UBE4B: variants seen among roughly 807,000 people sequenced by gnomAD.
UBE4B encodes ubiquitin conjugation factor E4 B.
A neutral mutation model predicts 148.1 loss-of-function variants in UBE4B; 27 were observed. The observed-to-expected ratio is 0.18, with a 90% CI of 0.13 to 0.25. The LOEUF is 0.25. Among genes scored for constraint, UBE4B ranks in the 10% least tolerant of loss-of-function variants. The pLI is 1.00. For synonymous variants in UBE4B, 596 were observed against 619.3 expected, an observed-to-expected ratio of 0.96 and a Z score of 0.56; for missense variants, 1,170 against 1,662.4, an observed-to-expected ratio of 0.70 and a Z score of 5.15.
Position 10,178,777 on chromosome 1 carries a change from G to T in UBE4B, c.3659G>T (p.Arg1220Leu). Residue 1220 changes from arginine to leucine, a missense_variant, in exon 26 of 28, where the codon CGC becomes CTC. Coordinates refer to ENST00000343090, the MANE Select transcript of UBE4B (RefSeq NM_001105562.3). ...KVEEIVAKNA[R>L]AEIDYSDAPD... ...GAGGAGATAGTGGCCAAGAACGCACGCGCAGAAATCGACTACAGCGACGCT... is the reference window on the plus strand; with the variant it reads ...GAGGAGATAGTGGCCAAGAACGCACTCGCAGAAATCGACTACAGCGACGCT... 8 of 1,613,218 alleles carry T rather than the reference G, an allele frequency of 5.0e-6. No individual in the cohort carries two copies. The highest frequency in any genetic ancestry group is 6.8e-6 in the Non-Finnish European group (8 of 1,179,794).
chr1:10,175,453 C>T (rs549877769), intron 25 of UBE4B, among the ~76,000 whole-genome samples: 32 of 151,514 alleles, frequency 2.1e-4, no homozygotes, highest in East Asian at 1.6e-3. Flanking sequence ...AGATCGAGAC[C>T]GTCCTGGCTA....
At chr1:10,152,259 A>AAATAATAATAATAATAAT (rs60838123) in intron 21 of UBE4B, among the ~76,000 whole-genome samples, 4 of 141,320 alleles carry the variant, frequency 2.8e-5, no homozygotes, top group African/African-American at 7.8e-5. Flanking sequence ...ACTCCGTCTC[A>AAATAATAATAATAATAAT]AATAATAATA....
intron 2 of UBE4B, among the ~76,000 whole-genome samples, chr1:10,076,741 C>CTTTT (rs61563451): frequency 4.2e-4 from 44 of 105,850 alleles, no homozygotes; most frequent in Non-Finnish European, 5.8e-4. Context: ...CAGTCCCAGC[C>CTTTT]TTTTTTTTTT....
chr1:10,094,404 C>T (rs1019670642), intron 2 of UBE4B, among the ~76,000 whole-genome samples: 1 of 151,532 alleles, frequency 6.6e-6, no homozygotes, highest in South Asian at 2.1e-4. Flanking sequence ...AGGGAACACC[C>T]GTATACTCAC....
intron 3 of UBE4B, among the ~76,000 whole-genome samples, chr1:10,097,990 C>T (rs894744374): frequency 6.6e-6 from 1 of 151,908 alleles, no homozygotes; most frequent in African/African-American, 2.4e-5. Context: ...CCTGCCTCAG[C>T]CTCCCGAGTA....
At chr1:10,065,485 T>C (rs1215994714) in intron 1 of UBE4B, among the ~76,000 whole-genome samples, 1 of 152,194 alleles carries the variant, frequency 6.6e-6, no homozygotes, top group African/African-American at 2.4e-5. Context: ...AGGTTCTATT[T>C]CCCCACGCTG....
chr1:10,130,855 G>A lies in UBE4B; in HGVS notation c.1911+42G>A, dbSNP rs142566274. On this transcript the variant is annotated intron_variant, in intron 14 of 27. Coordinates refer to ENST00000343090, the MANE Select transcript of UBE4B (RefSeq NM_001105562.3). ...CAAATCCAGAGGAAGTATCAAAGAT[G>A]AGCTCCAGATACAGAGCTTTTATTT... 2.9e-5 allele frequency: 45 copies of A among 1,558,654 alleles called. No individual in the cohort carries two copies. In the Middle Eastern group the frequency reaches 6.7e-4, roughly 23 times the overall value.
intron 1 of UBE4B, among the ~76,000 whole-genome samples, chr1:10,053,867 T>A (rs933460680): frequency 9.2e-5 from 14 of 152,150 alleles, no homozygotes. Flanking sequence ...TCTTTTATTA[T>A]TTGTAGACAA....
At chr1:10,113,228 A>T (rs1645250200) in intron 7 of UBE4B, among the ~76,000 whole-genome samples, 1 of 151,890 alleles carries the variant, frequency 6.6e-6, no homozygotes, top group Non-Finnish European at 1.5e-5. Flanking sequence ...GATGTCCCAG[A>T]CTCTTTTAAA....
At chr1:10,152,300 C>A (rs1645990152) in intron 21 of UBE4B, among the ~76,000 whole-genome samples, 1 of 148,008 alleles carries the variant, frequency 6.8e-6, no homozygotes, top group African/African-American at 2.5e-5. Flanking sequence ...AATAATACCA[C>A]TTTTCACCTG....
At chr1:10,059,065 A>C (rs1644233150) in intron 1 of UBE4B, 1 of 151,950 alleles carries the variant, frequency 6.6e-6, no homozygotes, top group African/African-American at 2.4e-5. Context: ...CCCCCTCTCT[A>C]CTAAAATGCA....
rs558017474 is a variant in UBE4B at position 10,087,095 on chromosome 1, T to C, written c.212-8366T>C. Reference sequence around the variant, plus strand: ...GCCCTGATTTCTCATTCTGTTCTCGTCTGACGCATACAGGTGTATCTATAG... The same window carrying C: ...GCCCTGATTTCTCATTCTGTTCTCGCCTGACGCATACAGGTGTATCTATAG... On this transcript the variant is annotated intron_variant, in intron 2 of 27. Coordinates refer to ENST00000343090, the MANE Select transcript of UBE4B (RefSeq NM_001105562.3). Among the ~76,000 whole-genome samples the C allele has an allele frequency of 1.0e-3, 159 of 152,360 alleles. 1 individual carries two copies. Among genetic ancestry groups the C allele is most frequent in the Middle Eastern group, 3.4e-3 (1 of 294 alleles).
chr1:10,081,241 G>C (rs970910047), intron 2 of UBE4B, among the ~76,000 whole-genome samples: 22 of 145,116 alleles, frequency 1.5e-4, no homozygotes, highest in African/African-American at 5.6e-4. Context: ...TTTATTTTTG[G>C]TAGAGACAGG....
intron 11 of UBE4B, chr1:10,129,083 G>T (rs1645549238): frequency 3.5e-6 from 1 of 284,796 alleles, no homozygotes; most frequent in Non-Finnish European, 6.7e-6. Flanking sequence ...AACATATATA[G>T]ATACAGTACA....
intron 1 of UBE4B, among the ~76,000 whole-genome samples, chr1:10,035,889 G>T (rs1167188539): frequency 6.7e-6 from 1 of 149,986 alleles, no homozygotes; most frequent in Non-Finnish European, 1.5e-5. Context: ...GACTACAGGC[G>T]CCCGCCACCA....
Position 10,161,264 on chromosome 1 carries a change from A to G in UBE4B, c.3176A>G (p.Glu1059Gly). Residue 1059 changes from glutamate (E) to glycine (G), a missense_variant, in exon 23 of 28, where the codon GAA becomes GGA. Glu to Gly is a moderately conservative substitution (Grantham distance 98). Transcript: ENST00000343090. This position sits in a 1 kb window ranked among gnomAD's most constrained non-coding sequence, Gnocchi z 4.1. The stretch of plus-strand genomic sequence containing the variant: ...GTGCAGGAAGAGATGAAGAACAAAG[A>G]ACAGTGGGACCAGTTGCCCCGGGTG... ...HEVQEEMKNK[E>G]QWDQLPRDQQ... 6.2e-7 allele frequency: 1 copy of G among 1,614,128 alleles called. No homozygotes were observed. The highest frequency in any genetic ancestry group is 1.1e-5 in the South Asian group (1 of 91,078).
In UBE4B at chr1:10,039,108, G is replaced by C. The variant is rs1643661347; in HGVS notation, c.24+5414G>C. Among the ~76,000 whole-genome samples, 2 of 151,656 alleles carry C rather than the reference G, an allele frequency of 1.3e-5. 1 individual carries two copies. The highest frequency in any genetic ancestry group is 3.9e-4 in the East Asian group (2 of 5,182). On this transcript the variant is annotated intron_variant, in intron 1 of 27. Coordinates refer to ENST00000343090, the MANE Select transcript of UBE4B (RefSeq NM_001105562.3). ...CACACACAGAAAAACAAACAAAAAAGCAATTATAATTAAATTTGAGTAGAG... is the reference window on the plus strand; with the variant it reads ...CACACACAGAAAAACAAACAAAAAACCAATTATAATTAAATTTGAGTAGAG...
At chr1:10,045,414 A>G (rs908451034) in intron 1 of UBE4B, among the ~76,000 whole-genome samples, 2 of 152,198 alleles carry the variant, frequency 1.3e-5, no homozygotes, top group Non-Finnish European at 2.9e-5. Context: ...AAGAAATTTC[A>G]GGGCTATGAG....
In UBE4B at chr1:10,153,731, C is replaced by G. The variant is rs527599497; in HGVS notation, c.2926+2170C>G. Among the ~76,000 whole-genome samples the G allele has an allele frequency of 6.6e-5, 10 of 152,076 alleles. No individual in the cohort carries two copies. The South Asian group carries it at 1.7e-3, about 25-fold the overall frequency. ...TTGGAAGACTGAGGTGGGTGGATCA[C>G]AAGGTCAAGAGATCGAGATGAGCCT... On this transcript the variant is annotated intron_variant, in intron 21 of 27. Coordinates refer to ENST00000343090, the MANE Select transcript of UBE4B (RefSeq NM_001105562.3).
Sources: allele counts gnomAD v4.1 joint callset (sites outside exome capture counted in the v4.1 genomes callset), GRCh38; gene constraint gnomAD v4.1.1; non-coding constraint Gnocchi (gnomAD v3.1); transcripts MANE v1.5; gene names NCBI Gene and HGNC (gene_info 2026-07-23, HGNC 2026-07-21).